DNAJC5B: variants seen among roughly 807,000 people sequenced by gnomAD.
DNAJC5B encodes DnaJ heat shock protein family (Hsp40) member C5 beta.
DNAJC5B carries 23 observed loss-of-function variants against 24.7 expected under a neutral mutation model. The ratio of observed to expected loss-of-function variants is 0.93; its 90% CI spans 0.67 to 1.32. The LOEUF is 1.32. DNAJC5B is among the 40% of genes most tolerant of loss of function. The pLI is 0.00. For synonymous variants in DNAJC5B, 101 were observed against 90.1 expected (o/e 1.12, Z -0.68); for missense variants, 238 against 240.8 (o/e 0.99, Z 0.08).
intron 3 of DNAJC5B, among the ~76,000 whole-genome samples, chr8:66,075,403 T>C (rs553815849): frequency 3.7e-4 from 56 of 152,144 alleles, no homozygotes; most frequent in Non-Finnish European, 6.6e-4. Flanking sequence ...AATTCCTATT[T>C]CAGGGCCCAG....
chr8:66,044,164 A>T (rs1036798386), intron 2 of DNAJC5B, among the ~76,000 whole-genome samples: 1 of 152,166 alleles, frequency 6.6e-6, no homozygotes, highest in Non-Finnish European at 1.5e-5. Flanking sequence ...AGGGAGAATT[A>T]TTACTTTTAA....
chr8:66,053,192 C>A (rs924212972), intron 3 of DNAJC5B, among the ~76,000 whole-genome samples: 4 of 152,196 alleles, frequency 2.6e-5, no homozygotes, highest in African/African-American at 9.6e-5. Flanking sequence ...CCACCTTGGC[C>A]ACCCAAAGTG....
chr8:66,067,372 C>A (rs1285207783), intron 3 of DNAJC5B, among the ~76,000 whole-genome samples: 2 of 152,020 alleles, frequency 1.3e-5, no homozygotes, highest in Non-Finnish European at 2.9e-5. Flanking sequence ...GAAGGTCCTG[C>A]AATTTTATTG....
At chr8:66,017,171 A>G (rs1805977189), upstream of DNAJC5B, among the ~76,000 whole-genome samples, 1 of 152,178 alleles carries the variant, frequency 6.6e-6, no homozygotes, top group African/African-American at 2.4e-5. Flanking sequence ...GCCTCTGCTA[A>G]TGACTTGAGC....
chr8:66,045,668 G>T (rs1337705314), intron 2 of DNAJC5B, among the ~76,000 whole-genome samples: 2 of 152,110 alleles, frequency 1.3e-5, no homozygotes, highest in Non-Finnish European at 2.9e-5. Context: ...TCTGGAAGGG[G>T]CTGGGAGCAG....
At chr8:66,070,294 G>T (rs1323359680) in intron 3 of DNAJC5B, among the ~76,000 whole-genome samples, 6 of 152,170 alleles carry the variant, frequency 3.9e-5, no homozygotes, top group Admixed American at 3.9e-4. Context: ...TGACATGATT[G>T]TATATTTAGA....
chr8:66,046,523 T>A (rs1806726505), intron 2 of DNAJC5B, among the ~76,000 whole-genome samples: 1 of 152,342 alleles, frequency 6.6e-6, no homozygotes, highest in Middle Eastern at 3.4e-3. Flanking sequence ...CAAGTGTTAT[T>A]CAATATGACA....
At chr8:66,033,369 C>T (rs558362930) in intron 1 of DNAJC5B, among the ~76,000 whole-genome samples, 121 of 152,286 alleles carry the variant, frequency 7.9e-4, no homozygotes, top group African/African-American at 2.7e-3. Context: ...CTGGAAGGCC[C>T]GGGAAAGAGC....
intron 5 of DNAJC5B, among the ~76,000 whole-genome samples, chr8:66,096,372 T>G (rs1388636141): frequency 2.0e-5 from 3 of 152,180 alleles, no homozygotes; most frequent in African/African-American, 7.2e-5. Context: ...ATACGAATTT[T>G]GGGGAGACAC....
rs528140112 is a variant in DNAJC5B at position 66,053,691 on chromosome 8, G to A, written c.119+2025G>A. On this transcript the variant is annotated intron_variant, in intron 3 of 5. Coordinates refer to ENST00000276570, the MANE Select transcript of DNAJC5B (RefSeq NM_033105.6). The stretch of plus-strand genomic sequence containing the variant: ...GTTGCCCAGACTGGAGTGCAATGGC[G>A]CGATCTCGGCTCACCGCAACCTCCG... 3.3e-5 allele frequency among the ~76,000 whole-genome samples: 5 copies of A among 150,408 alleles called. 1 individual carries two copies. Among genetic ancestry groups the A allele is most frequent in the African/African-American group, 1.2e-4 (5 of 40,814 alleles).
At chr8:66,090,569 T>C (rs928748906) in intron 5 of DNAJC5B, among the ~76,000 whole-genome samples, 1 of 152,052 alleles carries the variant, frequency 6.6e-6, no homozygotes, top group African/African-American at 2.4e-5. Flanking sequence ...AAATGTGAGA[T>C]TCGGTGCATA....
intron 5 of DNAJC5B, among the ~76,000 whole-genome samples, chr8:66,089,668 T>G (rs1385066647): frequency 1.3e-5 from 2 of 152,208 alleles, no homozygotes; most frequent in Non-Finnish European, 2.9e-5. Context: ...CTTTGTTCAA[T>G]AGTGGTGGTA....
intron 5 of DNAJC5B, 106 bp downstream of exon 5, chr8:66,080,654 C>A (rs777650802): frequency 1.0e-5 from 10 of 961,630 alleles, no homozygotes; most frequent in Non-Finnish European, 1.3e-5. Flanking sequence ...CTCCCACAAC[C>A]AAATGGGTGG....
At chr8:66,032,782 A>T (rs572395830) in intron 1 of DNAJC5B, among the ~76,000 whole-genome samples, 1 of 152,182 alleles carries the variant, frequency 6.6e-6, no homozygotes, top group African/African-American at 2.4e-5. Flanking sequence ...TCATCGCTTG[A>T]TACATTGCTG....
chr8:66,097,712 CA>C (rs1807984618), intron 5 of DNAJC5B, among the ~76,000 whole-genome samples: 1 of 151,948 alleles, frequency 6.6e-6, no homozygotes, highest in Admixed American at 6.6e-5. Flanking sequence ...GAGGGTTTGT[CA>C]AAAAATATAG....
At chr8:66,032,694 C>T (rs1806384895) in intron 1 of DNAJC5B, among the ~76,000 whole-genome samples, 1 of 152,234 alleles carries the variant, frequency 6.6e-6, no homozygotes, top group Non-Finnish European at 1.5e-5. Flanking sequence ...GTGCATGAAT[C>T]AATGATTCCG....
intron 3 of DNAJC5B, among the ~76,000 whole-genome samples, chr8:66,062,334 A>G (rs1314224116): frequency 6.6e-6 from 1 of 152,216 alleles, no homozygotes; most frequent in African/African-American, 2.4e-5. Context: ...AAGGAAAGAT[A>G]CTAGCTTCCA....
chr8:66,026,482 CA>C (rs1806246082), intron 1 of DNAJC5B, among the ~76,000 whole-genome samples: 1 of 152,212 alleles, frequency 6.6e-6, no homozygotes. Flanking sequence ...GGAAAAAAAG[CA>C]AAAGGAAGCT....
At chr8:66,071,358 AAAAC>A (rs1807344242) in intron 3 of DNAJC5B, among the ~76,000 whole-genome samples, 1 of 152,186 alleles carries the variant, frequency 6.6e-6, no homozygotes, top group South Asian at 2.1e-4. Flanking sequence ...TTACAAGAAA[AAAAC>A]AAACAACCCC....
Sources: gnomAD v4.1 joint callset for allele counts (sites outside exome capture counted in the v4.1 genomes callset) on GRCh38, gnomAD v4.1.1 for gene constraint, MANE v1.5 for transcripts, NCBI Gene and HGNC (gene_info 2026-07-23, HGNC 2026-07-21) for gene names.